CCDC30: variants seen among roughly 807,000 people sequenced by gnomAD.
CCDC30 encodes coiled-coil domain containing 30, also known as coiled-coil domain-containing protein 30.
Under a neutral mutation model 100.2 loss-of-function variants are expected in CCDC30, and 70 were observed. The observed-to-expected ratio is 0.70, with a 90% CI of 0.58 to 0.85. The LOEUF (loss-of-function observed/expected upper bound fraction) is 0.85, where lower values mean the gene tolerates loss of function less well. CCDC30 is among the 40% of genes least tolerant of loss of function. The pLI is 0.00. For synonymous variants in CCDC30, 233 were observed against 269.5 expected (o/e 0.86, Z 1.33); for missense variants, 652 against 771.2 (o/e 0.85, Z 1.83).
At chr1:42,528,939 A>G (rs1224730124) in intron 6 of CCDC30, among the ~76,000 whole-genome samples, 2 of 152,252 alleles carry the variant, frequency 1.3e-5, no homozygotes, top group Non-Finnish European at 2.9e-5. Flanking sequence ...TTTAACATTA[A>G]GTACCAGAAT....
chr1:42,525,174 G>A (rs973725091), intron 6 of CCDC30, among the ~76,000 whole-genome samples: 1 of 152,040 alleles, frequency 6.6e-6, no homozygotes, highest in African/African-American at 2.4e-5. Flanking sequence ...TCTAGATTCT[G>A]TGAGTTTATA....
chr1:42,519,765 G>T (rs764698241), intron 6 of CCDC30, among the ~76,000 whole-genome samples: 13 of 151,976 alleles, frequency 8.6e-5, no homozygotes, highest in Non-Finnish European at 1.6e-4. Flanking sequence ...ATGTTGGCCA[G>T]GCTGGTCTCA....
At chr1:42,549,437 A>G (rs1315405301) in intron 6 of CCDC30, among the ~76,000 whole-genome samples, 4 of 152,108 alleles carry the variant, frequency 2.6e-5, no homozygotes, top group Non-Finnish European at 5.9e-5. Flanking sequence ...GAGAAGTACT[A>G]CTTTATCTGC....
At chr1:42,536,782 T>A (rs1462255852) in intron 6 of CCDC30, 181 bp downstream of exon 7, 6 of 530,644 alleles carry the variant, frequency 1.1e-5, no homozygotes, top group African/African-American at 7.8e-5. Context: ...GGAGGGGAAG[T>A]CCAAGATCAA....
intron 6 of CCDC30, among the ~76,000 whole-genome samples, chr1:42,538,336 G>GA (rs111385931): frequency 0.016 from 2,136 of 136,158 alleles, 47 homozygotes; most frequent in African/African-American, 0.051. Context: ...TCTCAAAAAA[G>GA]AAAAAAAAAA....
the CCDC30 span, chr1:42,456,396 T>C: frequency 1.3e-6 from 1 of 775,514 alleles, no homozygotes; most frequent in East Asian, 2.8e-5. Flanking sequence ...CGCTGGGCTC[T>C]GGGGCAGAAC....
intron 10 of CCDC30, among the ~76,000 whole-genome samples, chr1:42,601,024 G>T (rs146068589): frequency 6.6e-6 from 1 of 152,076 alleles, no homozygotes; most frequent in Admixed American, 6.6e-5. Context: ...CCCAGTCTCA[G>T]GTATTTCCTT....
At chr1:42,603,678 G>A (rs533699100) in intron 10 of CCDC30, among the ~76,000 whole-genome samples, 1 of 152,298 alleles carries the variant, frequency 6.6e-6, no homozygotes, top group Non-Finnish European at 1.5e-5. Flanking sequence ...ATTGCTGGTG[G>A]GAATGCAGAA....
chr1:42,456,656 G>A, the CCDC30 span: 1 of 1,598,686 alleles, frequency 6.3e-7, no homozygotes, highest in Non-Finnish European at 8.5e-7. Flanking sequence ...GGCCAGGCTG[G>A]GCGCGCAGGG....
At chr1:42,537,474 T>G in intron 6 of CCDC30, 2 of 351,296 alleles carry the variant, frequency 5.7e-6, no homozygotes, top group Non-Finnish European at 1.1e-5. Context: ...CCTTCTTGCC[T>G]TTTTGTCTAA....
intron 7 of CCDC30, among the ~76,000 whole-genome samples, chr1:42,567,962 A>AT (rs200829603): frequency 3.3e-5 from 5 of 151,846 alleles, no homozygotes; most frequent in South Asian, 2.1e-4. Flanking sequence ...GAGAGAGAGA[A>AT]TTTTTTTTGT....
intron 6 of CCDC30, among the ~76,000 whole-genome samples, chr1:42,511,157 C>T (rs939587276): frequency 4.6e-5 from 7 of 152,020 alleles, no homozygotes. Context: ...TCCTGGGTCC[C>T]AGCACCTTGT....
chr1:42,610,566 G>A (rs1390454599), intron 10 of CCDC30, among the ~76,000 whole-genome samples: 1 of 151,998 alleles, frequency 6.6e-6, no homozygotes, highest in Non-Finnish European at 1.5e-5. Context: ...TGGGACTATA[G>A]GCACACACCA....
chr1:42,572,741 C>T (rs921311042), intron 7 of CCDC30, among the ~76,000 whole-genome samples: 2 of 152,140 alleles, frequency 1.3e-5, no homozygotes, highest in African/African-American at 2.4e-5. Context: ...CTCGGCCTCC[C>T]GAATAGCTGG....
chr1:42,553,219 T>G (rs1423105472), intron 6 of CCDC30, among the ~76,000 whole-genome samples: 1 of 152,098 alleles, frequency 6.6e-6, no homozygotes, highest in African/African-American at 2.4e-5. Context: ...TGTTTTTGTT[T>G]GTGCTTGTTG....
chr1:42,610,011 A>G (rs1646586377), intron 10 of CCDC30, among the ~76,000 whole-genome samples: 1 of 152,246 alleles, frequency 6.6e-6, no homozygotes, highest in Non-Finnish European at 1.5e-5. Context: ...GGACACTCAT[A>G]GAAGATCTGT....
At chr1:42,636,397 C>A (rs1557480432) in intron 11 of CCDC30, among the ~76,000 whole-genome samples, 1 of 151,864 alleles carries the variant, frequency 6.6e-6, no homozygotes, top group East Asian at 1.9e-4. Flanking sequence ...CAGAGTGAGA[C>A]CCTGTCTCAA....
the CCDC30 span, chr1:42,457,224 A>G: frequency 6.2e-7 from 1 of 1,613,480 alleles, no homozygotes; most frequent in Non-Finnish European, 8.5e-7. Context: ...CGATTTGTTA[A>G]CACCTTGTGT....
At chr1:42,545,842 G>A (rs1189075461) in intron 6 of CCDC30, among the ~76,000 whole-genome samples, 1 of 151,910 alleles carries the variant, frequency 6.6e-6, no homozygotes, top group Non-Finnish European at 1.5e-5. Flanking sequence ...TACTCGGGAG[G>A]CTGAGGTGGG....
Sources: allele counts gnomAD v4.1 joint callset (sites outside exome capture counted in the v4.1 genomes callset), GRCh38; gene constraint gnomAD v4.1.1; transcripts MANE v1.5; gene names NCBI Gene and HGNC (gene_info 2026-07-23, HGNC 2026-07-21).